The following DPP6 variants were observed in gnomAD, a reference collection of about 807,000 sequenced individuals.
DPP6 encodes dipeptidyl peptidase like 6.
In DPP6, 69 loss-of-function variants were observed where a neutral mutation model predicts 122.6. That is an observed-to-expected ratio of 0.56 (90% CI 0.46 to 0.69). DPP6 has a LOEUF of 0.69. Ranked by LOEUF, DPP6 falls within the 30% of genes least tolerant of loss-of-function variation. DPP6 has a pLI of 0.00. For synonymous variants in DPP6, 418 were observed against 433.1 expected (o/e 0.97, Z 0.43); for missense variants, 928 against 1,116.9 (o/e 0.83, Z 2.41).
chr7:154,546,488 TA>T (rs34283278), intron 4 of DPP6, among the ~76,000 whole-genome samples: 53,264 of 144,428 alleles, frequency 0.37, 10,028 homozygotes, highest in Middle Eastern at 0.48. Context: ...GTCGATTATT[TA>T]AAAAAAAAAA....
the DPP6 span, among the ~76,000 whole-genome samples, chr7:153,878,895 A>C: frequency 1.1e-4 from 17 of 152,246 alleles, no homozygotes; most frequent in Middle Eastern, 3.4e-3. Context: ...AGATTGAATA[A>C]AGCCATGTGA....
intron 1 of DPP6, among the ~76,000 whole-genome samples, chr7:154,035,630 A>G (rs1351370295): frequency 1.3e-5 from 2 of 151,798 alleles, no homozygotes; most frequent in Non-Finnish European, 2.9e-5. Flanking sequence ...TCATGCTTTT[A>G]TCTAGAGAGG....
intron 1 of DPP6, among the ~76,000 whole-genome samples, chr7:154,417,119 G>T (rs1029352166): frequency 6.6e-6 from 1 of 152,160 alleles, no homozygotes; most frequent in African/African-American, 2.4e-5. Context: ...TATCACCCAG[G>T]AGGTGAATGA....
the DPP6 span, among the ~76,000 whole-genome samples, chr7:153,754,807 G>A: frequency 6.6e-6 from 1 of 151,538 alleles, no homozygotes; most frequent in Non-Finnish European, 1.5e-5. Context: ...TGCATTCTGT[G>A]GTTTGTGTGC....
At chr7:154,264,871 C>CTTGATGATGGTG (rs1803282130) in intron 1 of DPP6, among the ~76,000 whole-genome samples, 1 of 68,920 alleles carries the variant, frequency 1.5e-5, no homozygotes, top group Admixed American at 1.6e-4. Flanking sequence ...TGATGGTGAT[C>CTTGATGATGGTG]CTGATGATGG....
chr7:154,660,887 C>G (rs1408262724), intron 6 of DPP6, among the ~76,000 whole-genome samples: 2 of 62,960 alleles, frequency 3.2e-5, no homozygotes, highest in African/African-American at 8.6e-5. Context: ...CGTATTGGCG[C>G]TAGTATTCAT....
rs556986840 is a variant in DPP6 at position 154,150,013 on chromosome 7, C to A, written c.243+96950C>A. Among the ~76,000 whole-genome samples the A allele has an allele frequency of 6.6e-5, 10 of 152,308 alleles. No individual in the cohort carries two copies. In the South Asian group the frequency reaches 2.1e-3, roughly 32 times the overall value. On this transcript the variant is annotated intron_variant, in intron 1 of 25. Coordinates refer to ENST00000377770, the MANE Select transcript of DPP6 (RefSeq NM_130797.4). ...TCGTGGTGTTGTAATGATTAGCAAG[C>A]AGAACCAATGTGGTTTCTTTCCCCA...
chr7:154,292,819 C>T (rs892148963), intron 1 of DPP6, among the ~76,000 whole-genome samples: 2 of 152,098 alleles, frequency 1.3e-5, no homozygotes, highest in African/African-American at 4.8e-5. Context: ...CAAAACAATA[C>T]CTTTCTGAGG....
chr7:154,195,817 C>T lies in DPP6; in HGVS notation c.243+142754C>T, dbSNP rs190781497. On this transcript the variant is annotated intron_variant, in intron 1 of 25. Coordinates refer to ENST00000377770, the MANE Select transcript of DPP6 (RefSeq NM_130797.4). ...AGGTAGGTCCTTCTTCTTCAGAGTT[C>T]TAGAGGACAGCAGTGTGTCCTTGCA... 2.8e-4 allele frequency among the ~76,000 whole-genome samples: 42 copies of T among 152,258 alleles called. 1 individual carries two copies. The East Asian group carries it at 7.2e-3, about 26-fold the overall frequency.
chr7:154,325,550 A>G (rs1424399996), intron 1 of DPP6, among the ~76,000 whole-genome samples: 2 of 152,224 alleles, frequency 1.3e-5, no homozygotes, highest in African/African-American at 2.4e-5. Flanking sequence ...CAAATTAGCA[A>G]GAGTCTAGCT....
At chr7:154,404,255 C>T (rs1815884264) in intron 1 of DPP6, among the ~76,000 whole-genome samples, 1 of 152,128 alleles carries the variant, frequency 6.6e-6, no homozygotes, top group Non-Finnish European at 1.5e-5. Flanking sequence ...AATCAAAGAT[C>T]TCATAAGGCA....
At chr7:153,803,498 C>G in the DPP6 span, among the ~76,000 whole-genome samples, 2 of 152,008 alleles carry the variant, frequency 1.3e-5, no homozygotes, top group Admixed American at 1.3e-4. Context: ...CTCATCTTCT[C>G]TAGCCCTTGG....
intron 1 of DPP6, among the ~76,000 whole-genome samples, chr7:153,918,821 A>T (rs544483465): frequency 1.3e-5 from 2 of 151,834 alleles, no homozygotes; most frequent in Non-Finnish European, 2.9e-5. Context: ...CTCTACTAAA[A>T]TACAAAAATT....
intron 7 of DPP6, among the ~76,000 whole-genome samples, chr7:154,674,661 T>C (rs75947580): frequency 0.15 from 23,514 of 152,122 alleles, 2,310 homozygotes; most frequent in African/African-American, 0.28. Context: ...GAGCTTTGAA[T>C]GGGAAATTTA....
intron 1 of DPP6, among the ~76,000 whole-genome samples, chr7:154,071,484 C>T (rs1803115397): frequency 2.0e-5 from 3 of 152,222 alleles, no homozygotes; most frequent in Non-Finnish European, 4.4e-5. Flanking sequence ...CATCTTTATC[C>T]TTCAGACATA....
chr7:153,818,504 T>C, the DPP6 span, among the ~76,000 whole-genome samples: 6 of 152,216 alleles, frequency 3.9e-5, no homozygotes, highest in African/African-American at 1.2e-4. Flanking sequence ...TACTACCCAG[T>C]GGCAGGGAAA....
intron 1 of DPP6, among the ~76,000 whole-genome samples, chr7:154,444,442 G>A (rs1365394444): frequency 6.6e-6 from 1 of 152,120 alleles, no homozygotes; most frequent in Non-Finnish European, 1.5e-5. Context: ...TCCAGCCTGG[G>A]CTGGAAAAAA....
At chr7:154,293,803 A>T (rs1388517801) in intron 1 of DPP6, among the ~76,000 whole-genome samples, 1 of 152,182 alleles carries the variant, frequency 6.6e-6, no homozygotes, top group Non-Finnish European at 1.5e-5. Context: ...ATCTAAGTGT[A>T]TCACATGGAG....
chr7:154,374,281 A>G (rs1222093269), intron 1 of DPP6, among the ~76,000 whole-genome samples: 3 of 152,214 alleles, frequency 2.0e-5, no homozygotes, highest in Non-Finnish European at 4.4e-5. Context: ...TTTGTGGATC[A>G]AATGAGCTAA....
Sources: gnomAD v4.1 joint callset for allele counts (sites outside exome capture counted in the v4.1 genomes callset) on GRCh38, gnomAD v4.1.1 for gene constraint, MANE v1.5 for transcripts, NCBI Gene and HGNC (gene_info 2026-07-23, HGNC 2026-07-21) for gene names.